Variants in INSR observed in about 807,000 individuals in gnomAD.
INSR encodes the protein IR.
INSR carries 67 observed loss-of-function variants against 142.6 expected under a neutral mutation model. The ratio of observed to expected loss-of-function variants is 0.47; its 90% CI spans 0.39 to 0.58. The LOEUF is 0.58. Among genes scored for constraint, INSR ranks in the 20% least tolerant of loss-of-function variants. The pLI, the probability that INSR is intolerant of heterozygous loss-of-function variation, is 0.00. For missense variants in INSR, 1,248 were observed against 1,833.2 expected, an observed-to-expected ratio of 0.68 and a Z score of 5.83; for synonymous variants, 756 against 743.1, an observed-to-expected ratio of 1.02 and a Z score of -0.28.
chr19:7,250,135 G>A (rs1244779455), intron 2 of INSR, among the ~76,000 whole-genome samples: 1 of 151,596 alleles, frequency 6.6e-6, no homozygotes, highest in African/African-American at 2.4e-5. Context: ...CTCCAGCCTG[G>A]GTGACAGAGC....
chr19:7,216,805 C>T lies in INSR; in HGVS notation c.653-32168G>A, dbSNP rs538184873. 1.3e-5 allele frequency among the ~76,000 whole-genome samples: 2 copies of T among 152,054 alleles called. No individual in the cohort carries two copies. The highest frequency in any genetic ancestry group is 3.9e-4 in the East Asian group (2 of 5,192). Reference sequence around the variant, plus strand: ...GTCACAAACGCCCACAAATGTAAAACGACATACATTTATTATTTTCTCCTG... The same window carrying T: ...GTCACAAACGCCCACAAATGTAAAATGACATACATTTATTATTTTCTCCTG... On this transcript the variant is annotated intron_variant, in intron 2 of 21. Transcript: ENST00000302850. This position sits in a 1 kb window ranked among gnomAD's most constrained non-coding sequence, Gnocchi z 4.2.
At chr19:7,135,332 G>A (rs1190504399) in intron 13 of INSR, among the ~76,000 whole-genome samples, 1 of 10,466 alleles carries the variant, frequency 9.6e-5, no homozygotes, top group Non-Finnish European at 4.6e-4. Flanking sequence ...TTTTTTTTTT[G>A]GAGACGGAGT....
At chr19:7,185,858 A>AAAAAAAAAAAG (rs1555747112) in intron 2 of INSR, among the ~76,000 whole-genome samples, 2 of 134,026 alleles carry the variant, frequency 1.5e-5, no homozygotes, top group Admixed American at 7.4e-5. Flanking sequence ...AAAAAAAAAA[A>AAAAAAAAAAAG]AGAGAGAGAG....
chr19:7,168,661 C>A lies in INSR; in HGVS notation c.1484-567G>T, dbSNP rs1302424740. ...TTTTTTTGAGACAGTCTTGCTCTGT[C>A]ACCAAGGCTGGAGTGCAGTCCACCT... is the stretch of plus-strand genomic sequence containing the variant. On this transcript the variant is annotated intron_variant, in intron 6 of 21. Coordinates refer to ENST00000302850, the MANE Select transcript of INSR (RefSeq NM_000208.4). The surrounding 1 kb of genome is among the most constrained non-coding windows in gnomAD (Gnocchi z 4.3). Among the ~76,000 whole-genome samples, 2 of 152,122 alleles carry A rather than the reference C, an allele frequency of 1.3e-5. No individual in the cohort carries two copies. The highest frequency in any genetic ancestry group is 4.8e-5 in the African/African-American group (2 of 41,428).
At chr19:7,191,072 G>A (rs1233520945) in intron 2 of INSR, among the ~76,000 whole-genome samples, 2 of 152,074 alleles carry the variant, frequency 1.3e-5, no homozygotes, top group Non-Finnish European at 2.9e-5. Flanking sequence ...CGTGGCAGGT[G>A]GATCACCTGA....
At position 7,135,596 on chromosome 19, in the gene INSR, T is replaced by A. The variant is rs573461548; in HGVS notation, c.2683-3279A>T. 3.5e-3 allele frequency among the ~76,000 whole-genome samples: 526 copies of A among 149,338 alleles called. 1 individual carries two copies. The highest frequency in any genetic ancestry group is 4.4e-3 in the African/African-American group (177 of 40,604). On this transcript the variant is annotated intron_variant, in intron 13 of 21. Transcript: ENST00000302850. ...ATGACTCTGTCTCTGAAAAAAAAAA[T>A]TTTTTTAACGGGAGATACTGAAAAT...
chr19:7,265,460 G>A (rs1967692970), intron 2 of INSR, among the ~76,000 whole-genome samples: 1 of 152,154 alleles, frequency 6.6e-6, no homozygotes, highest in South Asian at 2.1e-4. Context: ...TAAAATATAG[G>A]CTGGGCGCGG....
Position 7,114,499 on chromosome 19 carries a change from G to C in INSR, c.*2557C>G, listed in dbSNP as rs553368503. On this transcript the variant is annotated 3_prime_UTR_variant, in exon 22 of 22. Transcript: ENST00000302850. The stretch of plus-strand genomic sequence containing the variant: ...GAAAAGGATCTATGCTCGCATAAAG[G>C]CCATACCTTCTCCATCCCAACTCCC... The C allele has an allele frequency of 1.9e-4, 29 of 152,448 alleles. No homozygotes were observed. The highest frequency in any genetic ancestry group is 2.9e-5 in the Non-Finnish European group (2 of 68,022). The allele number at this position is 152,448 out of a possible 1,614,324, so 9.4% of individuals were successfully genotyped here.
chr19:7,212,185 A>G (rs974122827), intron 2 of INSR, among the ~76,000 whole-genome samples: 2 of 152,094 alleles, frequency 1.3e-5, no homozygotes, highest in African/African-American at 4.8e-5. Flanking sequence ...GACCCACCCT[A>G]GGGTGAGAAC....
chr19:7,152,170 C>T lies in INSR; in HGVS notation c.2231+556G>A, dbSNP rs1973382295. ...CTCTGGGAGGCCGAGGCAGGCAGAT[C>T]ACCTGAGGTCAGGGGTTAGAGACCA... On this transcript the variant is annotated intron_variant, in intron 10 of 21. Transcript: ENST00000302850. 3 of 191,150 alleles carry T rather than the reference C, an allele frequency of 1.6e-5. No individual in the cohort carries two copies. The South Asian group carries it at 2.9e-4, about 18-fold the overall frequency. 11.8% of individuals were successfully genotyped at this position (191,150 alleles called of 1,614,324 possible).
At position 7,290,299 on chromosome 19, in the gene INSR, C is replaced by T. The variant is rs527761919; in HGVS notation, c.100+3493G>A. Among the ~76,000 whole-genome samples the T allele has an allele frequency of 6.6e-5, 10 of 152,074 alleles. No homozygotes were observed. In the East Asian group the frequency reaches 1.4e-3, roughly 21 times the overall value. Reference sequence around the variant, plus strand: ...CGTGTGCCTGTGGTCCCAGCTACTACGGAGGCTAAAATAGGAGGATGGCTT... The same window carrying T: ...CGTGTGCCTGTGGTCCCAGCTACTATGGAGGCTAAAATAGGAGGATGGCTT... On this transcript the variant is annotated intron_variant, in intron 1 of 21. Coordinates refer to ENST00000302850, the MANE Select transcript of INSR (RefSeq NM_000208.4).
At chr19:7,161,154 ATTAT>A (rs1425616523) in intron 9 of INSR, among the ~76,000 whole-genome samples, 2 of 149,478 alleles carry the variant, frequency 1.3e-5, no homozygotes, top group African/African-American at 2.4e-5. Context: ...TTATAATAAA[ATTAT>A]TTATATAATT....
intron 2 of INSR, among the ~76,000 whole-genome samples, chr19:7,231,307 T>G (rs201201181): frequency 0.4 from 58,275 of 147,120 alleles, 11,671 homozygotes; most frequent in East Asian, 0.5. Flanking sequence ...TTTTTTTTTT[T>G]TTTTTTTTTT....
intron 17 of INSR, among the ~76,000 whole-genome samples, chr19:7,124,906 G>T (rs1434762682): frequency 6.6e-6 from 1 of 151,648 alleles, no homozygotes; most frequent in Non-Finnish European, 1.5e-5. Flanking sequence ...TTACAAAGGT[G>T]CCAGGAAAAA....
rs542798954 is a variant in INSR at position 7,273,193 on chromosome 19, A to T, written c.101-5297T>A. ...TTATGAGTAAAGATTAAACAGCTAT[A>T]ATTGTAGGGAACAATCAAGAATTGC... On this transcript the variant is annotated intron_variant, in intron 1 of 21. Transcript: ENST00000302850. Among the ~76,000 whole-genome samples, 3 of 152,350 alleles carry T rather than the reference A, an allele frequency of 2.0e-5. No individual in the cohort carries two copies. The South Asian group carries it at 6.2e-4, about 32-fold the overall frequency.
At position 7,116,700 on chromosome 19, in the gene INSR, C is replaced by CAAAAAAAAAA. The variant is rs71177157; in HGVS notation, c.*346_*355dup. 542 of 50,482 alleles carry CAAAAAAAAAA rather than the reference C, an allele frequency of 0.011. 46 individuals carry two copies. Among genetic ancestry groups the CAAAAAAAAAA allele is most frequent in the East Asian group, 0.032 (34 of 1,070 alleles). The allele number at this position is 50,482 out of a possible 1,614,324, so 3.1% of individuals were successfully genotyped here. ...TTTTATACTGAAGCTCAGACACCAG[C>CAAAAAAAAAA]AAAAAAAAAAAAAAAAAAAAAGAAT... On this transcript the variant is annotated 3_prime_UTR_variant, in exon 22 of 22. Coordinates refer to ENST00000302850, the MANE Select transcript of INSR (RefSeq NM_000208.4).
At chr19:7,257,145 G>A (rs1308270601) in intron 2 of INSR, among the ~76,000 whole-genome samples, 3 of 151,848 alleles carry the variant, frequency 2.0e-5, no homozygotes, top group Non-Finnish European at 4.4e-5. Context: ...GTTTCACTAT[G>A]TTGGCCCAGG....
intron 6 of INSR, among the ~76,000 whole-genome samples, chr19:7,169,435 G>T (rs1375909097): frequency 6.6e-6 from 1 of 151,916 alleles, no homozygotes; most frequent in Non-Finnish European, 1.5e-5. Flanking sequence ...AATTAGCCGG[G>T]CTTGGTGGCA....
chr19:7,136,080 C>T (rs909101282), intron 13 of INSR, among the ~76,000 whole-genome samples: 6 of 152,054 alleles, frequency 3.9e-5, no homozygotes, highest in African/African-American at 4.8e-5. Flanking sequence ...TCATCCTCAC[C>T]GACACTTGTT....
Sources: allele counts gnomAD v4.1 joint callset (sites outside exome capture counted in the v4.1 genomes callset), GRCh38; gene constraint gnomAD v4.1.1; non-coding constraint Gnocchi (gnomAD v3.1); transcripts MANE v1.5; gene names NCBI Gene and HGNC (gene_info 2026-07-23, HGNC 2026-07-21).